SNTG1: variants seen among roughly 807,000 people sequenced by gnomAD.
SNTG1 encodes syntrophin gamma 1.
Under a neutral mutation model 74.7 loss-of-function variants are expected in SNTG1, and 39 were observed. The ratio of observed to expected loss-of-function variants is 0.52; its 90% CI spans 0.40 to 0.68. SNTG1 has a LOEUF of 0.68. Ranked by LOEUF, SNTG1 falls within the 30% of genes least tolerant of loss-of-function variation. SNTG1 has a pLI of 0.00. For synonymous variants in SNTG1, 254 were observed against 217.1 expected (o/e 1.17, Z -1.49); for missense variants, 685 against 609.5 (o/e 1.12, Z -1.30).
intron 1 of SNTG1, chr8:50,011,986 G>T (rs1275801219): frequency 2.0e-5 from 3 of 152,058 alleles, no homozygotes; most frequent in Admixed American, 1.3e-4. Flanking sequence ...ACATCCCATG[G>T]CCCACAAAAC....
intron 1 of SNTG1, among the ~76,000 whole-genome samples, chr8:50,167,634 G>GA (rs759426683): frequency 0.021 from 2,780 of 132,840 alleles, 25 homozygotes; most frequent in African/African-American, 0.028. Context: ...TCATCGCTAC[G>GA]AAAAAAAAAA....
intron 18 of SNTG1, among the ~76,000 whole-genome samples, chr8:50,772,968 G>T (rs1292558653): frequency 6.6e-6 from 1 of 152,090 alleles, no homozygotes; most frequent in South Asian, 2.1e-4. Context: ...AGGTGAAACA[G>T]CCTGAAACCT....
chr8:50,436,122 T>G (rs1454254621), intron 4 of SNTG1, among the ~76,000 whole-genome samples: 1 of 152,180 alleles, frequency 6.6e-6, no homozygotes, highest in Non-Finnish European at 1.5e-5. Flanking sequence ...TAAAATGCAT[T>G]TGCTCTGACT....
chr8:50,441,641 T>C (rs1401672128), intron 5 of SNTG1, among the ~76,000 whole-genome samples: 1 of 152,230 alleles, frequency 6.6e-6, no homozygotes, highest in African/African-American at 2.4e-5. Context: ...TTTCAAATTT[T>C]GTCTAGTTTT....
At chr8:50,219,829 AT>A (rs1437136872) in intron 2 of SNTG1, among the ~76,000 whole-genome samples, 2 of 152,298 alleles carry the variant, frequency 1.3e-5, no homozygotes, top group Admixed American at 1.3e-4. Flanking sequence ...AGTAGCAAAG[AT>A]TCCAGATGGA....
intron 9 of SNTG1, among the ~76,000 whole-genome samples, chr8:50,505,760 T>C (rs2094001041): frequency 6.6e-6 from 1 of 152,152 alleles, no homozygotes; most frequent in Admixed American, 6.6e-5. Context: ...TATTAACGTA[T>C]TACCAGACAT....
chr8:50,077,430 CTTTGAGGATAACACTGAATTCAAA>C (rs993873583), intron 1 of SNTG1, among the ~76,000 whole-genome samples: 18 of 152,050 alleles, frequency 1.2e-4, no homozygotes, highest in African/African-American at 3.9e-4. Flanking sequence ...CTGTTTTTCT[CTTTGAGGATAACACTGAATTCAAA>C]TCAGTTTAGT....
At chr8:50,469,271 G>A (rs2093632846) in intron 8 of SNTG1, among the ~76,000 whole-genome samples, 2 of 152,034 alleles carry the variant, frequency 1.3e-5, no homozygotes, top group Non-Finnish European at 2.9e-5. Flanking sequence ...TGTTGGTGTC[G>A]TTTTTGTTTT....
chr8:50,579,878 A>G (rs1451085514), intron 12 of SNTG1, among the ~76,000 whole-genome samples: 1 of 152,210 alleles, frequency 6.6e-6, no homozygotes, highest in Non-Finnish European at 1.5e-5. Flanking sequence ...CTGCTAGGGC[A>G]GTGAAGAAGA....
intron 14 of SNTG1, among the ~76,000 whole-genome samples, chr8:50,657,426 A>C (rs73676382): frequency 0.037 from 5,577 of 152,296 alleles, 305 homozygotes; most frequent in African/African-American, 0.12. Context: ...TTTTAGGGCT[A>C]TACATGAATG....
chr8:50,598,921 T>G (rs2130918610), intron 13 of SNTG1, among the ~76,000 whole-genome samples: 1 of 152,190 alleles, frequency 6.6e-6, no homozygotes, highest in South Asian at 2.1e-4. Context: ...TTGCATATTC[T>G]GCAAATTTAC....
intron 1 of SNTG1, among the ~76,000 whole-genome samples, chr8:50,136,661 C>T (rs916262369): frequency 1.3e-5 from 2 of 152,158 alleles, no homozygotes; most frequent in African/African-American, 4.8e-5. Flanking sequence ...TAACTTCCAG[C>T]CCAGCCTTCC....
chr8:50,538,387 C>T (rs920292060), intron 11 of SNTG1, among the ~76,000 whole-genome samples: 1 of 152,062 alleles, frequency 6.6e-6, no homozygotes, highest in Non-Finnish European at 1.5e-5. Context: ...TTTACCGCTT[C>T]CTTTCTGCTT....
intron 1 of SNTG1, among the ~76,000 whole-genome samples, chr8:50,161,562 C>G (rs143925879): frequency 6.6e-6 from 1 of 151,908 alleles, no homozygotes; most frequent in Admixed American, 6.6e-5. Context: ...CCAAGAGGAC[C>G]TGATAGTGTG....
chr8:50,050,411 G>A (rs1019553573), intron 1 of SNTG1, among the ~76,000 whole-genome samples: 1 of 151,828 alleles, frequency 6.6e-6, no homozygotes. Flanking sequence ...CAGAAACAGA[G>A]AACCTGAATA....
intron 1 of SNTG1, among the ~76,000 whole-genome samples, chr8:50,097,104 G>A (rs1452704998): frequency 6.6e-6 from 1 of 151,930 alleles, no homozygotes; most frequent in African/African-American, 2.4e-5. Context: ...CAAGTAGCTG[G>A]GACTACAGGT....
At position 50,122,241 on chromosome 8, in the gene SNTG1, G is replaced by A. The variant is rs1234700515; in HGVS notation, c.-102-50320G>A. Among the ~76,000 whole-genome samples the A allele has an allele frequency of 1.4e-5, 2 of 142,196 alleles. 1 individual carries two copies. The highest frequency in any genetic ancestry group is 3.1e-5 in the Non-Finnish European group (2 of 63,876). The allele number at this position is 142,196 out of a possible 152,430, so 93.3% of individuals were successfully genotyped here. On this transcript the variant is annotated intron_variant, in intron 1 of 18. Transcript: ENST00000642720. ...ATATTCAAGGCATCCTTGGTAACTT[G>A]TGCCTTACCTCGTTTTGCAAAGCAA... is the stretch of plus-strand genomic sequence containing the variant.
chr8:49,961,694 A>C (rs781134173), intron 1 of SNTG1, among the ~76,000 whole-genome samples: 5 of 152,222 alleles, frequency 3.3e-5, no homozygotes, highest in Non-Finnish European at 7.3e-5. Context: ...GAACAATGGT[A>C]GCTAACATTG....
chr8:50,351,454 G>A (rs1167226642), intron 2 of SNTG1, among the ~76,000 whole-genome samples: 1 of 152,154 alleles, frequency 6.6e-6, no homozygotes, highest in Admixed American at 6.5e-5. Flanking sequence ...TAGAAACATT[G>A]TGTTTATCTC....
Sources: allele counts gnomAD v4.1 joint callset (sites outside exome capture counted in the v4.1 genomes callset), GRCh38; gene constraint gnomAD v4.1.1; transcripts MANE v1.5; gene names NCBI Gene and HGNC (gene_info 2026-07-23, HGNC 2026-07-21).